Variants in SYT3 observed in about 807,000 individuals in gnomAD.
SYT3 encodes synaptotagmin 3, also known as synaptotagmin-3.
In SYT3, 25 loss-of-function variants were observed where a neutral mutation model predicts 50.6. That is an observed-to-expected ratio of 0.49 (90% CI 0.36 to 0.69). The LOEUF is 0.69. SYT3 is among the 30% of genes least tolerant of loss of function. The probability of loss-of-function intolerance (pLI) is 0.00; values close to 1 mark genes in which losing one functional copy is unlikely to be tolerated. For missense variants in SYT3, 589 were observed against 793.6 expected (o/e 0.74, Z 3.10); for synonymous variants, 323 against 353.9 (o/e 0.91, Z 0.98).
At position 50,625,397 on chromosome 19, in the gene SYT3, C is replaced by T. The variant is rs374266955; in HGVS notation, c.1570G>A (p.Asp524Asn). The change falls in exon 8 of 11, where the codon GAC becomes AAC. Residue 524 changes from aspartate (D) to asparagine (N), a missense_variant. Asp to Asn is a conservative substitution (Grantham distance 23, BLOSUM62 1). Coordinates refer to ENST00000600079, the MANE Select transcript of SYT3 (RefSeq NM_001160329.2). The surrounding 1 kb of genome is among the most constrained non-coding windows in gnomAD (Gnocchi z 7.5). ...CGCCCGGGCCGCGCCCCTCACCAGT[C>T]GTAGTCTACCACGGCGATGCTGAGC... is the stretch of plus-strand genomic sequence containing the variant. ...VGLSIAVVDY[D>N]CIGHNEVIGV... 1.9e-6 allele frequency: 3 copies of T among 1,549,582 alleles called. No homozygotes were observed. Among genetic ancestry groups the T allele is most frequent in the South Asian group, 1.2e-5 (1 of 84,026 alleles).
At chr19:50,653,607 G>T in the SYT3 span, among the ~76,000 whole-genome samples, 8,014 of 151,356 alleles carry the variant, frequency 0.053, 438 homozygotes, top group African/African-American at 0.14. Flanking sequence ...AGAGCCCGTT[G>T]TGAAACATAT....
rs1396367581 is a variant in SYT3, at chr19:50,630,178, G to C, written c.675-7C>G. On this transcript the variant is annotated splice_region_variant and splice_polypyrimidine_tract_variant and intron_variant, in intron 4 of 10. Transcript: ENST00000600079. ...TCGGGGCAGGGCTGGGTACCTGTAGGGGGTTGGGGGGAGACCAAGGTGAGG... is the reference window on the plus strand; with the variant it reads ...TCGGGGCAGGGCTGGGTACCTGTAGCGGGTTGGGGGGAGACCAAGGTGAGG... 6.6e-7 allele frequency: 1 copy of C among 1,514,612 alleles called. No homozygotes were observed. Among genetic ancestry groups the C allele is most frequent in the South Asian group, 1.3e-5 (1 of 75,678 alleles). The allele number at this position is 1,514,612 out of a possible 1,614,324, so 93.8% of individuals were successfully genotyped here.
rs749047002 is a variant in SYT3, at chr19:50,632,935, G to A, written c.149-124C>T. The stretch of plus-strand genomic sequence containing the variant: ...ATTGTCCATGCAATTGCAAGTGCCA[G>A]GCACTTTACATGTATTACTTAATTT... On this transcript the variant is annotated intron_variant, in intron 3 of 10. Transcript: ENST00000600079. This position sits in a 1 kb window ranked among gnomAD's most constrained non-coding sequence, Gnocchi z 4.7. 5 of 694,840 alleles carry A rather than the reference G, an allele frequency of 7.2e-6. No homozygotes were observed. The highest frequency in any genetic ancestry group is 1.1e-5 in the Non-Finnish European group (5 of 456,632). 43.0% of individuals were successfully genotyped at this position (694,840 alleles called of 1,614,324 possible).
chr19:50,637,277 C>T lies in SYT3; in HGVS notation c.135G>A (p.Arg45=). The T allele has an allele frequency of 1.9e-6, 3 of 1,613,274 alleles. No homozygotes were observed. Among genetic ancestry groups the T allele is most frequent in the Non-Finnish European group, 2.5e-6 (3 of 1,179,806 alleles). Residue 45 remains arginine (R), a synonymous_variant, in exon 3 of 11, where the codon CGG becomes CGA. Transcript: ENST00000600079. The surrounding 1 kb of genome is among the most constrained non-coding windows in gnomAD (Gnocchi z 4.9). ...AGGGGTGCTGACCTGCATCTGGACCCCGGGGATAGCCTCGGATTCGGTCAT... is the reference window on the plus strand; with the variant it reads ...AGGGGTGCTGACCTGCATCTGGACCTCGGGGATAGCCTCGGATTCGGTCAT... The part of the protein sequence containing the change: ...EFNDRIRGYP[R]GPDADISVSL...
In SYT3 at chr19:50,625,772, AC is replaced by A; in HGVS notation, c.1402+124del. 3.6e-5 allele frequency: 15 copies of A among 416,940 alleles called. 3 individuals carry two copies. Among genetic ancestry groups the A allele is most frequent in the South Asian group, 8.4e-5 (3 of 35,900 alleles). 25.8% of individuals were successfully genotyped at this position (416,940 alleles called of 1,614,324 possible). A position where few individuals can be genotyped will look rare whatever the true frequency, so the allele number is the denominator to read the frequency against. ...AGGCCCCTGGCCCCTCCTCCCTCAG[AC>A]CCAGGAGTCCAGATCCCCAGCTCCT... On this transcript the variant is annotated intron_variant, in intron 7 of 10. Coordinates refer to ENST00000600079, the MANE Select transcript of SYT3 (RefSeq NM_001160329.2). The surrounding 1 kb of genome is among the most constrained non-coding windows in gnomAD (Gnocchi z 7.5).
rs369157866 is a variant in SYT3, at chr19:50,625,382, G to A, written c.1574+11C>T. The stretch of plus-strand genomic sequence containing the variant: ...CTCCTGCCTGACCCCCGCCCGGGCC[G>A]CGCCCCTCACCAGTCGTAGTCTACC... On this transcript the variant is annotated intron_variant, in intron 8 of 10. Transcript: ENST00000600079. This position sits in a 1 kb window ranked among gnomAD's most constrained non-coding sequence, Gnocchi z 7.5. 3.9e-6 allele frequency: 6 copies of A among 1,542,800 alleles called. No homozygotes were observed. The highest frequency in any genetic ancestry group is 4.0e-5 in the Admixed American group (2 of 50,258).
the SYT3 span, among the ~76,000 whole-genome samples, chr19:50,654,804 T>TC: frequency 7.3e-6 from 1 of 136,060 alleles, no homozygotes; most frequent in African/African-American, 2.9e-5. Flanking sequence ...TAATTAAAAA[T>TC]TTTTTTTTGT....
At position 50,632,439 on chromosome 19, in the gene SYT3, G is replaced by A; in HGVS notation, c.521C>T (p.Ala174Val). 1 of 1,612,544 alleles carries A rather than the reference G, an allele frequency of 6.2e-7. No homozygotes were observed. The highest frequency in any genetic ancestry group is 8.5e-7 in the Non-Finnish European group (1 of 1,179,392). ...MDSYPEAAAAAVAAGVKPSQT... is the reference protein window; with the variant it reads ...MDSYPEAAAAVVAAGVKPSQT... ...GCTCGGTTTGACCCCAGCGGCCACT[G>A]CTGCTGCTGCAGCCTCTGGATACGA... Residue 174 changes from alanine to valine, a missense_variant, in exon 4 of 11, where the codon GCA (alanine) becomes GTA (valine). Physicochemically the swap from Ala to Val is moderately conservative, Grantham distance 64. Coordinates refer to ENST00000600079, the MANE Select transcript of SYT3 (RefSeq NM_001160329.2). The surrounding 1 kb of genome is among the most constrained non-coding windows in gnomAD (Gnocchi z 4.7).
At chr19:50,656,338 G>A in the SYT3 span, 1 of 1,535,658 alleles carries the variant, frequency 6.5e-7, no homozygotes. Flanking sequence ...CCTCTGCATG[G>A]AGACCTTGGT....
At chr19:50,629,246 G>T in intron 6 of SYT3, 48 bp downstream of exon 6, 2 of 1,474,776 alleles carry the variant, frequency 1.4e-6, no homozygotes, top group Non-Finnish European at 1.8e-6. Flanking sequence ...CAACCCGGGG[G>T]GTCTCAGGGC....
At chr19:50,646,991 C>T in the SYT3 span, among the ~76,000 whole-genome samples, 11 of 152,070 alleles carry the variant, frequency 7.2e-5, no homozygotes, top group East Asian at 3.9e-4. Context: ...CCACCACACC[C>T]GGCTAATTTT....
chr19:50,633,091 C>T (rs142453979), intron 3 of SYT3, among the ~76,000 whole-genome samples: 6 of 152,302 alleles, frequency 3.9e-5, no homozygotes, highest in Non-Finnish European at 7.3e-5. Context: ...AAGCAATCCT[C>T]TTACCTCAGC....
chr19:50,622,340 T>G lies in SYT3; in HGVS notation c.*145A>C, dbSNP rs1376393082. 1 of 240,284 alleles carries G rather than the reference T, an allele frequency of 4.2e-6. No homozygotes were observed. The highest frequency in any genetic ancestry group is 2.3e-5 in the African/African-American group (1 of 44,160). 14.9% of individuals were successfully genotyped at this position (240,284 alleles called of 1,614,324 possible). On this transcript the variant is annotated 3_prime_UTR_variant, in exon 11 of 11. Transcript: ENST00000600079. ...GCCGGCCTCCTCTCATCCTCTCGCT[T>G]CCAGGGTTAGGAAGCCTAGGGCCAG...
rs757564710 is a variant in SYT3 at position 50,632,168 on chromosome 19, G to T, written c.674+118C>A. The T allele has an allele frequency of 2.8e-5, 33 of 1,158,132 alleles. No homozygotes were observed. The highest frequency in any genetic ancestry group is 3.8e-5 in the Non-Finnish European group (32 of 831,522). The allele number at this position is 1,158,132 out of a possible 1,614,324, so 71.7% of individuals were successfully genotyped here. A position where few individuals can be genotyped will look rare whatever the true frequency, so the allele number is the denominator to read the frequency against. On this transcript the variant is annotated intron_variant, in intron 4 of 10. Transcript: ENST00000600079. This position sits in a 1 kb window ranked among gnomAD's most constrained non-coding sequence, Gnocchi z 4.7. ...CAGCCTCCTCTTTCCCTAAGATCCA[G>T]GAGTCAATACCCCGATTCCCCTCCA...
Position 50,625,785 on chromosome 19 carries a change from GATCCCCAGCTCCTCCTCCCTCA to G in SYT3, c.1402+90_1402+111del. 4.9e-5 allele frequency: 27 copies of G among 550,216 alleles called. 9 individuals carry two copies. Among genetic ancestry groups the G allele is most frequent in the Non-Finnish European group, 7.4e-5 (24 of 322,946 alleles). 34.1% of individuals were successfully genotyped at this position (550,216 alleles called of 1,614,324 possible). ...CTCCTCCCTCAGACCCAGGAGTCCA[GATCCCCAGCTCCTCCTCCCTCA>G]GACCCAGGAGTCCAGGCCCCTGGCC... On this transcript the variant is annotated intron_variant, in intron 7 of 10. Transcript: ENST00000600079. The surrounding 1 kb of genome is among the most constrained non-coding windows in gnomAD (Gnocchi z 7.5).
the SYT3 span, among the ~76,000 whole-genome samples, chr19:50,648,327 A>G: frequency 6.6e-6 from 1 of 152,202 alleles, no homozygotes; most frequent in Non-Finnish European, 1.5e-5. Flanking sequence ...TGAGGAAATC[A>G]AGGTGCCACC....
chr19:50,647,956 CTA>C, the SYT3 span, among the ~76,000 whole-genome samples: 5 of 152,164 alleles, frequency 3.3e-5, no homozygotes, highest in Non-Finnish European at 7.3e-5. Flanking sequence ...CTGAGTAAGA[CTA>C]TTTCAATCTG....
Position 50,631,384 on chromosome 19 carries a change from G to A in SYT3, c.674+902C>T, listed in dbSNP as rs900028749. Among the ~76,000 whole-genome samples the A allele has an allele frequency of 1.5e-4, 23 of 151,740 alleles. 1 individual carries two copies. The highest frequency in any genetic ancestry group is 6.8e-3 in the Middle Eastern group (2 of 294). On this transcript the variant is annotated intron_variant, in intron 4 of 10. Coordinates refer to ENST00000600079, the MANE Select transcript of SYT3 (RefSeq NM_001160329.2). Reference sequence around the variant, plus strand: ...TCACCATATTGGCCAGGCTGGTCTCGAACTCCTGACCTCAAGTGATCTGCC... The same window carrying A: ...TCACCATATTGGCCAGGCTGGTCTCAAACTCCTGACCTCAAGTGATCTGCC...
At chr19:50,653,325 T>C in the SYT3 span, among the ~76,000 whole-genome samples, 5 of 152,084 alleles carry the variant, frequency 3.3e-5, no homozygotes, top group Non-Finnish European at 7.4e-5. Context: ...AGGCGTGAGC[T>C]ACTGTGCCCG....
Sources: allele counts gnomAD v4.1 joint callset (sites outside exome capture counted in the v4.1 genomes callset), GRCh38; gene constraint gnomAD v4.1.1; non-coding constraint Gnocchi (gnomAD v3.1); transcripts MANE v1.5; gene names NCBI Gene and HGNC (gene_info 2026-07-23, HGNC 2026-07-21).